The following LRRC9 variants were observed in gnomAD, a reference collection of about 807,000 sequenced individuals.
The protein encoded by LRRC9 is leucine rich repeat containing 9.
In LRRC9, 122 loss-of-function variants were observed where a neutral mutation model predicts 63.2. The ratio of observed to expected loss-of-function variants is 1.93; its 90% confidence interval spans 1.67 to 2.24. The LOEUF (loss-of-function observed/expected upper bound fraction) is 2.24, where lower values mean the gene tolerates loss of function less well. Among genes scored for constraint, LRRC9 ranks in the 30% most tolerant of loss-of-function variants. The pLI, the probability that LRRC9 is intolerant of heterozygous loss-of-function variation, is 0.00. For missense variants in LRRC9, 1,071 were observed against 627.7 expected, an observed-to-expected ratio of 1.71 and a Z score of -7.55; for synonymous variants, 366 against 213.1, an observed-to-expected ratio of 1.72 and a Z score of -6.25.
At chr14:60,022,860 C>A in exon 27 of LRRC9, 1 of 670,790 alleles carries the variant, frequency 1.5e-6, no homozygotes, top group South Asian at 1.6e-5. Flanking sequence ...TAAAATTCCT[C>A]TTTCTACAGG....
intron 3 of LRRC9, among the ~76,000 whole-genome samples, chr14:59,929,607 T>C (rs1400214729): frequency 6.6e-6 from 1 of 152,044 alleles, no homozygotes; most frequent in Non-Finnish European, 1.5e-5. Context: ...AACCATTCTA[T>C]CATAAACACA....
Position 60,003,696 on chromosome 14 carries a change from G to GGAAAAT in LRRC9, c.2740_2741insGAAAAT (p.Ala914delinsGlyLysSer). On this transcript the variant is annotated protein_altering_variant, in exon 21 of 32. Coordinates refer to ENST00000445360, the Ensembl canonical transcript of LRRC9. The surrounding 1 kb of genome is among the most constrained non-coding windows in gnomAD (Gnocchi z 4.2). ...AGAAAAATTGGAAAATTTGAAATGGGCATCATTCAGCAATAATAATCTCAC... is the reference window on the plus strand; with the variant it reads ...AGAAAAATTGGAAAATTTGAAATGGGGAAAATCATCATTCAGCAATAATAATCTCAC... The GGAAAAT allele has an allele frequency of 1.4e-6, 1 of 695,986 alleles. No homozygotes were observed. The highest frequency in any genetic ancestry group is 2.1e-5 in the Admixed American group (1 of 48,724). 43.1% of individuals were successfully genotyped at this position (695,986 alleles called of 1,614,324 possible).
At position 60,003,853 on chromosome 14, in the gene LRRC9, GC is replaced by G. The variant is rs1386126135; in HGVS notation, c.2842+56del. 13 of 538,852 alleles carry G rather than the reference GC, an allele frequency of 2.4e-5. No individual in the cohort carries two copies. In the East Asian group the frequency reaches 3.7e-4, roughly 16 times the overall value. The allele number at this position is 538,852 out of a possible 1,614,324, so 33.4% of individuals were successfully genotyped here. A position where few individuals can be genotyped will look rare whatever the true frequency, so the allele number is the denominator to read the frequency against. ...AAATATGGGATGTCTAAACAACAAA[GC>G]AAAAAATAACCCTGGGAACAGAGTT... On this transcript the variant is annotated intron_variant, in intron 21 of 31. Transcript: ENST00000445360. This position sits in a 1 kb window ranked among gnomAD's most constrained non-coding sequence, Gnocchi z 4.2.
intron 8 of LRRC9, among the ~76,000 whole-genome samples, chr14:59,955,740 G>A (rs770187056): frequency 1.3e-5 from 2 of 151,986 alleles, no homozygotes; most frequent in Non-Finnish European, 1.5e-5. Context: ...TTAGGGTGTC[G>A]ATTTTAGATC....
rs528832504 is a variant in LRRC9, at chr14:59,964,964, T to A, written c.1212-1625T>A. The stretch of plus-strand genomic sequence containing the variant: ...AATATAGATGCCCTAAGTTAGGAGC[T>A]CAGCTATTAGGCTCAAGGAGAGACT... On this transcript the variant is annotated intron_variant, in intron 10 of 31. Coordinates refer to ENST00000445360, the Ensembl canonical transcript of LRRC9. This position sits in a 1 kb window ranked among gnomAD's most constrained non-coding sequence, Gnocchi z 4.4. Among the ~76,000 whole-genome samples the A allele has an allele frequency of 7.1e-4, 108 of 152,334 alleles. No homozygotes were observed. Among genetic ancestry groups the A allele is most frequent in the African/African-American group, 2.4e-3 (99 of 41,580 alleles).
intron 17 of LRRC9, among the ~76,000 whole-genome samples, chr14:59,992,321 T>A (rs927644683): frequency 3.9e-5 from 6 of 151,972 alleles, no homozygotes; most frequent in African/African-American, 1.5e-4. Flanking sequence ...TACGTCACCA[T>A]CATCAAAGAC....
chr14:60,025,687 A>G (rs937973676), intron 27 of LRRC9, among the ~76,000 whole-genome samples: 3 of 152,012 alleles, frequency 2.0e-5, no homozygotes, highest in African/African-American at 4.8e-5. Context: ...TACAAAAAAA[A>G]AAAAAAAGAA....
chr14:60,054,318 T>A (rs1894115326), intron 30 of LRRC9, among the ~76,000 whole-genome samples: 1 of 152,186 alleles, frequency 6.6e-6, no homozygotes, highest in Non-Finnish European at 1.5e-5. Flanking sequence ...TAAGTGCAAA[T>A]TTTAAATTAT....
At chr14:59,997,927 T>C (rs879688767) in intron 18 of LRRC9, 80 bp downstream of exon 18, 8 of 575,762 alleles carry the variant, frequency 1.4e-5, no homozygotes, top group Non-Finnish European at 2.5e-5. Flanking sequence ...TATTTAGTAA[T>C]AGCCAGAGAT....
intron 22 of LRRC9, 126 bp from the exon 23 acceptor site, chr14:60,007,966 T>A (rs942836149): frequency 5.9e-5 from 23 of 389,834 alleles, no homozygotes; most frequent in East Asian, 1.7e-4. Flanking sequence ...AAAAAAAGTA[T>A]ACTTAAAGGC....
chr14:59,920,962 G>A (rs1030728739), intron 1 of LRRC9, among the ~76,000 whole-genome samples: 4 of 152,276 alleles, frequency 2.6e-5, no homozygotes, highest in East Asian at 1.9e-4. Context: ...AGAAAGGCCC[G>A]TAAACATTGT....
chr14:60,045,147 C>T (rs1274112682), intron 29 of LRRC9, among the ~76,000 whole-genome samples: 1 of 148,674 alleles, frequency 6.7e-6, no homozygotes, highest in Non-Finnish European at 1.5e-5. Flanking sequence ...GGGCAGGGTG[C>T]TCTAGTTGCA....
At position 59,964,384 on chromosome 14, in the gene LRRC9, T is replaced by C. The variant is rs764333321; in HGVS notation, c.1212-2205T>C. Among the ~76,000 whole-genome samples, 23 of 152,214 alleles carry C rather than the reference T, an allele frequency of 1.5e-4. No individual in the cohort carries two copies. The highest frequency in any genetic ancestry group is 2.9e-4 in the Non-Finnish European group (20 of 68,036). On this transcript the variant is annotated intron_variant, in intron 10 of 31. Coordinates refer to ENST00000445360, the Ensembl canonical transcript of LRRC9. The surrounding 1 kb of genome is among the most constrained non-coding windows in gnomAD (Gnocchi z 4.4). ...ACCACATAAGTGGTTTTGTTTGTTC[T>C]GTTTCCTTCACCCAGAATGCTTTTG...
chr14:60,029,652 C>A lies in LRRC9; in HGVS notation c.3921+1551C>A, dbSNP rs150891794. 1.1e-3 allele frequency among the ~76,000 whole-genome samples: 175 copies of A among 152,192 alleles called. 1 individual carries two copies. The East Asian group carries it at 0.03, about 26-fold the overall frequency. On this transcript the variant is annotated intron_variant, in intron 28 of 31. Transcript: ENST00000445360. ...AGAGTGTCCCTGCCCCACCTCTCTACTCCTCTATCCCTCTTAAGCAAATGA... is the reference window on the plus strand; with the variant it reads ...AGAGTGTCCCTGCCCCACCTCTCTAATCCTCTATCCCTCTTAAGCAAATGA...
rs953432490 is a variant in LRRC9 at position 60,027,466 on chromosome 14, A to G, written c.3704-418A>G. 6.6e-6 allele frequency among the ~76,000 whole-genome samples: 1 copy of G among 152,152 alleles called. No homozygotes were observed. Among genetic ancestry groups the G allele is most frequent in the South Asian group, 2.1e-4 (1 of 4,834 alleles). On this transcript the variant is annotated intron_variant, in intron 27 of 31. Coordinates refer to ENST00000445360, the Ensembl canonical transcript of LRRC9. This position sits in a 1 kb window ranked among gnomAD's most constrained non-coding sequence, Gnocchi z 4.0. ...CATAATTAATGTGTATTCTTCTAAC[A>G]TAATACAACAAATTAGTCTATTTTA...
intron 12 of LRRC9, among the ~76,000 whole-genome samples, chr14:59,971,461 G>A (rs866041032): frequency 1.4e-4 from 21 of 152,018 alleles, no homozygotes; most frequent in Non-Finnish European, 2.4e-4. Flanking sequence ...TTCTAGTTCC[G>A]TGAAGAATGT....
intron 30 of LRRC9, among the ~76,000 whole-genome samples, chr14:60,055,448 G>A (rs1269503519): frequency 1.3e-5 from 2 of 152,124 alleles, no homozygotes; most frequent in Non-Finnish European, 2.9e-5. Flanking sequence ...CCCGAAGCAA[G>A]TCACTTCTTG....
At chr14:60,062,327 G>C (rs1894705557) in intron 31 of LRRC9, 148 bp downstream of exon 32, 1 of 390,528 alleles carries the variant, frequency 2.6e-6, no homozygotes, top group East Asian at 3.6e-5. Flanking sequence ...GATAGCATAA[G>C]ACTTCTTAAT....
chr14:59,928,076 G>A (rs968015446), intron 2 of LRRC9, 85 bp downstream of exon 2: 7 of 618,624 alleles, frequency 1.1e-5, no homozygotes, highest in South Asian at 2.0e-5. Context: ...GAGCTGGAAG[G>A]GTTACTTAGT....
Sources: allele counts gnomAD v4.1 joint callset (sites outside exome capture counted in the v4.1 genomes callset), GRCh38; gene constraint gnomAD v4.1.1; non-coding constraint Gnocchi (gnomAD v3.1); transcripts MANE v1.5; gene names NCBI Gene and HGNC (gene_info 2026-07-23, HGNC 2026-07-21).